CDKAL1: variants seen among roughly 807,000 people sequenced by gnomAD.
CDKAL1 encodes the protein CDKAL1 threonylcarbamoyladenosine tRNA methylthiotransferase.
CDKAL1 carries 32 observed loss-of-function variants against 68.2 expected under a neutral mutation model. That is an observed-to-expected ratio of 0.47 (90% CI 0.35 to 0.63). The LOEUF (loss-of-function observed/expected upper bound fraction) is 0.63. Among genes scored for constraint, CDKAL1 ranks in the 30% least tolerant of loss-of-function variants. The pLI, the probability that CDKAL1 is intolerant of heterozygous loss-of-function variation, is 0.00. For missense variants in CDKAL1, 606 were observed against 696.7 expected, an observed-to-expected ratio of 0.87 and a Z score of 1.47; for synonymous variants, 234 against 244.3, an observed-to-expected ratio of 0.96 and a Z score of 0.39.
chr6:20,627,799 T>C (rs909788775), intron 4 of CDKAL1, among the ~76,000 whole-genome samples: 2 of 152,216 alleles, frequency 1.3e-5, no homozygotes, highest in African/African-American at 4.8e-5. Flanking sequence ...AGATCCTGTG[T>C]ATGTTTTGTT....
intron 7 of CDKAL1, among the ~76,000 whole-genome samples, chr6:20,780,670 C>CTTTTTTTTTTTT (rs1223553462): frequency 9.2e-4 from 35 of 38,148 alleles, no homozygotes; most frequent in African/African-American, 2.4e-3. Context: ...ATTTCTTTTT[C>CTTTTTTTTTTTT]TTTTTTTTTT....
chr6:20,976,258 T>C (rs1006616064), intron 10 of CDKAL1, among the ~76,000 whole-genome samples: 1 of 152,218 alleles, frequency 6.6e-6, no homozygotes, highest in Non-Finnish European at 1.5e-5. Flanking sequence ...CTTATCACTA[T>C]AGTAGAATTC....
chr6:20,783,054 C>T (rs1184253151), intron 8 of CDKAL1, among the ~76,000 whole-genome samples: 2 of 152,116 alleles, frequency 1.3e-5, no homozygotes, highest in Admixed American at 6.5e-5. Flanking sequence ...CTCAGCCTCC[C>T]GAGTAACTGG....
At chr6:20,653,521 G>A (rs949991434) in intron 5 of CDKAL1, among the ~76,000 whole-genome samples, 11 of 151,976 alleles carry the variant, frequency 7.2e-5, no homozygotes, top group Non-Finnish European at 1.5e-4. Flanking sequence ...GCAGGATCTC[G>A]GCTCACTGCA....
chr6:20,892,849 C>T (rs1761479640), intron 9 of CDKAL1, among the ~76,000 whole-genome samples: 2 of 152,190 alleles, frequency 1.3e-5, no homozygotes, highest in Non-Finnish European at 2.9e-5. Flanking sequence ...TCAATAGAAT[C>T]TGATCAGATT....
intron 15 of CDKAL1, among the ~76,000 whole-genome samples, chr6:21,220,121 A>C (rs1482218669): frequency 6.6e-6 from 1 of 152,142 alleles, no homozygotes; most frequent in Non-Finnish European, 1.5e-5. Flanking sequence ...TACTACTATC[A>C]TGAATGTTGG....
At chr6:20,745,417 C>G (rs1383188576) in intron 6 of CDKAL1, among the ~76,000 whole-genome samples, 3 of 152,086 alleles carry the variant, frequency 2.0e-5, no homozygotes, top group African/African-American at 7.2e-5. Flanking sequence ...CCTGTTTGCC[C>G]CTACTTCGAA....
intron 8 of CDKAL1, among the ~76,000 whole-genome samples, chr6:20,840,848 G>A (rs1030736895): frequency 3.3e-5 from 5 of 152,146 alleles, no homozygotes; most frequent in African/African-American, 4.8e-5. Flanking sequence ...TAACAATGAA[G>A]TCTGGCACAG....
intron 5 of CDKAL1, among the ~76,000 whole-genome samples, chr6:20,679,551 C>CA (rs1381186819): frequency 6.6e-5 from 10 of 152,322 alleles, no homozygotes; most frequent in African/African-American, 2.4e-4. Flanking sequence ...CTCTTGGTTG[C>CA]ATGAAGCTCA....
intron 8 of CDKAL1, among the ~76,000 whole-genome samples, chr6:20,823,955 C>G (rs186120685): frequency 1.8e-4 from 27 of 152,112 alleles, no homozygotes; most frequent in Admixed American, 1.5e-3. Context: ...GGTGAATGCT[C>G]CAGTCACAAC....
At chr6:20,918,708 CCG>C (rs1762825302) in intron 9 of CDKAL1, among the ~76,000 whole-genome samples, 1 of 152,218 alleles carries the variant, frequency 6.6e-6, no homozygotes, top group Non-Finnish European at 1.5e-5. Context: ...TCTCTTACTT[CCG>C]CTTCTCAGTT....
intron 9 of CDKAL1, among the ~76,000 whole-genome samples, chr6:20,905,844 A>T (rs1762207804): frequency 6.6e-6 from 1 of 152,166 alleles, no homozygotes; most frequent in African/African-American, 2.4e-5. Context: ...AAGAACCTAT[A>T]TCTAACGAAA....
At chr6:20,540,705 C>T (rs887874872) in intron 2 of CDKAL1, among the ~76,000 whole-genome samples, 30 of 152,224 alleles carry the variant, frequency 2.0e-4, no homozygotes, top group African/African-American at 7.2e-4. Context: ...ATCCATCCGC[C>T]TCAGCCTCCC....
intron 2 of CDKAL1, among the ~76,000 whole-genome samples, chr6:20,541,214 G>A (rs936453128): frequency 5.9e-5 from 9 of 152,160 alleles, no homozygotes; most frequent in African/African-American, 1.7e-4. Context: ...CACCCTACCT[G>A]GATGGCTGAG....
chr6:20,580,306 G>A (rs1354617685), intron 4 of CDKAL1, among the ~76,000 whole-genome samples: 1 of 152,112 alleles, frequency 6.6e-6, no homozygotes, highest in Non-Finnish European at 1.5e-5. Context: ...TAGAGTTGTG[G>A]GGTTCTGAGA....
At chr6:20,732,263 C>CTTTT (rs56911987) in intron 5 of CDKAL1, among the ~76,000 whole-genome samples, 1,171 of 83,442 alleles carry the variant, frequency 0.014, 8 homozygotes, top group Non-Finnish European at 0.016. Context: ...TTCTTTCTTT[C>CTTTT]TTTTTTTTTT....
intron 12 of CDKAL1, among the ~76,000 whole-genome samples, chr6:21,101,208 G>T (rs1224489200): frequency 3.9e-5 from 6 of 152,182 alleles, no homozygotes; most frequent in Non-Finnish European, 7.3e-5. Context: ...AACCGATCCA[G>T]AATCATAGAG....
intron 9 of CDKAL1, among the ~76,000 whole-genome samples, chr6:20,915,598 G>A (rs904641798): frequency 6.6e-6 from 1 of 152,188 alleles, no homozygotes; most frequent in Non-Finnish European, 1.5e-5. Flanking sequence ...CTGGTCTGGT[G>A]TTTGACCAAA....
intron 9 of CDKAL1, among the ~76,000 whole-genome samples, chr6:20,897,354 G>T (rs999815188): frequency 2.0e-5 from 3 of 152,146 alleles, no homozygotes; most frequent in African/African-American, 7.2e-5. Flanking sequence ...CACGAGTGGA[G>T]GTAGAAAGAT....
Sources: gnomAD v4.1 joint callset for allele counts (sites outside exome capture counted in the v4.1 genomes callset) on GRCh38, gnomAD v4.1.1 for gene constraint, MANE v1.5 for transcripts, NCBI Gene and HGNC (gene_info 2026-07-23, HGNC 2026-07-21) for gene names.